Variants in SNX14 observed in about 807,000 individuals in gnomAD.
SNX14 encodes sorting nexin 14, also known as sorting nexin-14.
SNX14 carries 93 observed loss-of-function variants against 133.8 expected under a neutral mutation model. That is an observed-to-expected ratio of 0.70 (90% CI 0.59 to 0.83). The LOEUF (loss-of-function observed/expected upper bound fraction) is 0.83, where lower values mean the gene tolerates loss of function less well. Among genes scored for constraint, SNX14 ranks in the 40% least tolerant of loss-of-function variants. The probability of loss-of-function intolerance (pLI) is 0.00; values close to 1 mark genes in which losing one functional copy is unlikely to be tolerated. For missense variants in SNX14, 945 were observed against 1,094.9 expected (o/e 0.86, Z 1.93); for synonymous variants, 368 against 365.6 (o/e 1.01, Z -0.07).
chr6:85,532,080 G>C (rs1780494265), intron 18 of SNX14, among the ~76,000 whole-genome samples: 1 of 151,684 alleles, frequency 6.6e-6, no homozygotes, highest in African/African-American at 2.4e-5. Flanking sequence ...AAGATTTTTT[G>C]GTTTTTATTT....
At position 85,585,528 on chromosome 6, in the gene SNX14, A is replaced by T. The variant is rs572181028; in HGVS notation, c.140+8051T>A. On this transcript the variant is annotated intron_variant, in intron 1 of 28. Transcript: ENST00000314673. The stretch of plus-strand genomic sequence containing the variant: ...AGCAGAAATCAACAAAATAGACAAC[A>T]ATGACAAATTAACAAAATATAAGCT... Among the ~76,000 whole-genome samples the T allele has an allele frequency of 2.4e-4, 36 of 152,302 alleles. 2 individuals are homozygous for T. The East Asian group carries it at 6.9e-3, about 29-fold the overall frequency.
chr6:85,575,636 T>G (rs1797084511), intron 1 of SNX14, among the ~76,000 whole-genome samples: 2 of 152,232 alleles, frequency 1.3e-5, no homozygotes, highest in Admixed American at 1.3e-4. Flanking sequence ...GTAAATGAAG[T>G]ACAGAAGAAA....
intron 2 of SNX14, among the ~76,000 whole-genome samples, chr6:85,573,755 C>T (rs907788817): frequency 6.6e-6 from 1 of 152,218 alleles, no homozygotes; most frequent in East Asian, 1.9e-4. Context: ...GATTACAAGG[C>T]TCTAACCCAG....
rs200099129 is a variant in SNX14, at chr6:85,558,075, G to A, written c.550-15C>T. On this transcript the variant is annotated splice_polypyrimidine_tract_variant and intron_variant, in intron 6 of 28. Transcript: ENST00000314673. ...GGAATATCCACCTAGAAAAATTCAA[G>A]ATTAAAACTTTTAAAATAATTATCA... 427 of 1,326,922 alleles carry A rather than the reference G, an allele frequency of 3.2e-4. No homozygotes were observed. The highest frequency in any genetic ancestry group is 4.3e-4 in the Non-Finnish European group (399 of 934,554). The allele number at this position is 1,326,922 out of a possible 1,614,324, so 82.2% of individuals were successfully genotyped here.
chr6:85,577,831 T>C (rs1013474038), intron 1 of SNX14, among the ~76,000 whole-genome samples: 2 of 151,972 alleles, frequency 1.3e-5, no homozygotes, highest in African/African-American at 2.4e-5. Flanking sequence ...AGAAATGAAG[T>C]GGACAACATG....
chr6:85,553,612 G>A (rs990167813), intron 7 of SNX14, among the ~76,000 whole-genome samples: 3 of 151,954 alleles, frequency 2.0e-5, no homozygotes, highest in African/African-American at 4.8e-5. Flanking sequence ...GTGAAACCCC[G>A]TCTCTACTAA....
intron 6 of SNX14, among the ~76,000 whole-genome samples, chr6:85,562,582 CTTTT>C (rs201175458): frequency 5.3e-5 from 5 of 94,846 alleles, no homozygotes; most frequent in African/African-American, 1.3e-4. Flanking sequence ...ACTTTTTGGG[CTTTT>C]TTTTTTTTTT....
chr6:85,520,021 T>TAGTAGTAGTAGTAGTAGTAGC (rs1350760023), intron 21 of SNX14, among the ~76,000 whole-genome samples: 20 of 151,586 alleles, frequency 1.3e-4, no homozygotes, highest in Non-Finnish European at 1.0e-4. Context: ...TATACAGTAG[T>TAGTAGTAGTAGTAGTAGTAGC]AGTAGTAGTA....
intron 16 of SNX14, among the ~76,000 whole-genome samples, chr6:85,537,927 G>C (rs118071174): frequency 0.065 from 9,954 of 152,082 alleles, 426 homozygotes; most frequent in Non-Finnish European, 0.086. Flanking sequence ...GCTCCATCAA[G>C]AAAATATATA....
At chr6:85,506,220 C>G (rs1234610608) in intron 28 of SNX14, among the ~76,000 whole-genome samples, 2 of 152,102 alleles carry the variant, frequency 1.3e-5, no homozygotes, top group East Asian at 3.8e-4. Context: ...TCAAACAGAG[C>G]TAAAGGTTTC....
intron 26 of SNX14, among the ~76,000 whole-genome samples, chr6:85,510,075 T>G (rs1005274533): frequency 2.6e-5 from 4 of 152,226 alleles, no homozygotes; most frequent in Non-Finnish European, 5.9e-5. Context: ...CTTCCAAGTT[T>G]TGGCAATTCT....
intron 1 of SNX14, among the ~76,000 whole-genome samples, chr6:85,575,308 GTATTATT>G (rs1431770536): frequency 6.6e-6 from 1 of 152,160 alleles, no homozygotes; most frequent in African/African-American, 2.4e-5. Flanking sequence ...AATGACCACA[GTATTATT>G]TATTAACTGT....
At chr6:85,578,593 C>A (rs964942980) in intron 1 of SNX14, among the ~76,000 whole-genome samples, 2 of 151,964 alleles carry the variant, frequency 1.3e-5, no homozygotes, top group Admixed American at 6.6e-5. Flanking sequence ...TTCTGACAGG[C>A]GAGTAGAATG....
intron 4 of SNX14, among the ~76,000 whole-genome samples, chr6:85,569,998 T>C (rs993911966): frequency 1.3e-5 from 2 of 152,198 alleles, no homozygotes; most frequent in Non-Finnish European, 2.9e-5. Context: ...CCCACACTAT[T>C]AGTCTGGCAA....
At chr6:85,571,176 AC>A (rs1309764466) in intron 4 of SNX14, among the ~76,000 whole-genome samples, 1 of 151,864 alleles carries the variant, frequency 6.6e-6, no homozygotes, top group African/African-American at 2.4e-5. Flanking sequence ...AACATGTGAA[AC>A]CCCGTCTCTA....
At chr6:85,570,852 C>CA (rs891993019) in intron 4 of SNX14, among the ~76,000 whole-genome samples, 153 of 144,712 alleles carry the variant, frequency 1.1e-3, no homozygotes, top group Admixed American at 1.2e-3. Context: ...GATTCCGTCT[C>CA]AAAAAAAAAA....
chr6:85,546,501 A>G (rs1465861143), intron 12 of SNX14, among the ~76,000 whole-genome samples: 1 of 152,168 alleles, frequency 6.6e-6, no homozygotes, highest in Non-Finnish European at 1.5e-5. Context: ...ACTGTGAAAA[A>G]GTGATATTGA....
chr6:85,532,074 T>C (rs985377411), intron 18 of SNX14, among the ~76,000 whole-genome samples: 1 of 152,092 alleles, frequency 6.6e-6, no homozygotes, highest in East Asian at 1.9e-4. Context: ...AGTTTTAAGA[T>C]TTTTTGGTTT....
chr6:85,512,957 C>T (rs1773481020), intron 26 of SNX14, among the ~76,000 whole-genome samples: 3 of 152,156 alleles, frequency 2.0e-5, no homozygotes, highest in Admixed American at 1.3e-4. Flanking sequence ...AGACCAGAAA[C>T]TGGAAGTCAC....
Sources: allele counts gnomAD v4.1 joint callset (sites outside exome capture counted in the v4.1 genomes callset), GRCh38; gene constraint gnomAD v4.1.1; transcripts MANE v1.5; gene names NCBI Gene and HGNC (gene_info 2026-07-23, HGNC 2026-07-21).